The following PRKN variants were observed in gnomAD, a reference collection of about 807,000 sequenced individuals.
The protein encoded by PRKN is parkin RBR E3 ubiquitin protein ligase, also known as E3 ubiquitin-protein ligase parkin.
In PRKN, 56 loss-of-function variants were observed where a neutral mutation model predicts 59.5. The observed-to-expected ratio is 0.94, with a 90% CI of 0.76 to 1.18. The LOEUF (loss-of-function observed/expected upper bound fraction) is 1.18. PRKN is among the 50% of genes most tolerant of loss of function. PRKN has a pLI of 0.00. For missense variants in PRKN, 657 were observed against 596.4 expected, an observed-to-expected ratio of 1.10 and a Z score of -1.06; for synonymous variants, 250 against 222.1, an observed-to-expected ratio of 1.13 and a Z score of -1.12.
At chr6:162,108,017 T>C (rs570858740) in intron 4 of PRKN, among the ~76,000 whole-genome samples, 38 of 152,332 alleles carry the variant, frequency 2.5e-4, no homozygotes, top group African/African-American at 8.7e-4. Flanking sequence ...CTTTAATATA[T>C]TACTTATTAC....
chr6:162,251,067 T>TCTCC (rs1779414107), intron 3 of PRKN, among the ~76,000 whole-genome samples: 1 of 152,156 alleles, frequency 6.6e-6, no homozygotes, highest in Non-Finnish European at 1.5e-5. Flanking sequence ...AGCTTTCAAA[T>TCTCC]AAGATAGCCA....
chr6:162,281,122 A>G (rs1318564786), intron 2 of PRKN, among the ~76,000 whole-genome samples: 1 of 152,150 alleles, frequency 6.6e-6, no homozygotes, highest in Non-Finnish European at 1.5e-5. Context: ...TTGCAGGGAC[A>G]TGGATGCAGC....
At chr6:162,008,198 G>A (rs1782335584) in intron 5 of PRKN, among the ~76,000 whole-genome samples, 1 of 152,156 alleles carries the variant, frequency 6.6e-6, no homozygotes, top group Non-Finnish European at 1.5e-5. Flanking sequence ...AGAAATTAGA[G>A]AAAGATGCAC....
At chr6:161,740,142 AC>A (rs1380235276) in intron 7 of PRKN, among the ~76,000 whole-genome samples, 1 of 152,228 alleles carries the variant, frequency 6.6e-6, no homozygotes, top group Non-Finnish European at 1.5e-5. Context: ...GCCCAAAGCG[AC>A]TTGACATTTC....
intron 1 of PRKN, among the ~76,000 whole-genome samples, chr6:162,537,618 T>C (rs1221589123): frequency 6.6e-6 from 1 of 152,206 alleles, no homozygotes; most frequent in Non-Finnish European, 1.5e-5. Context: ...TCTGTCTCCA[T>C]GTTCCCCTTT....
At chr6:161,927,148 A>G (rs954637425) in intron 6 of PRKN, among the ~76,000 whole-genome samples, 2 of 152,188 alleles carry the variant, frequency 1.3e-5, no homozygotes, top group Admixed American at 6.5e-5. Flanking sequence ...TTTGCCAATG[A>G]TAGTTTGTTA....
intron 1 of PRKN, among the ~76,000 whole-genome samples, chr6:162,446,050 C>G (rs1191612795): frequency 6.6e-6 from 1 of 152,192 alleles, no homozygotes; most frequent in African/African-American, 2.4e-5. Context: ...ATACTAATTA[C>G]GGAGGAAAAG....
intron 1 of PRKN, among the ~76,000 whole-genome samples, chr6:162,703,478 C>T (rs1778230095): frequency 6.6e-6 from 1 of 152,110 alleles, no homozygotes; most frequent in South Asian, 2.1e-4. Flanking sequence ...GAAAACTGAA[C>T]ACGGTCTCAG....
intron 6 of PRKN, among the ~76,000 whole-genome samples, chr6:161,946,905 A>G (rs1026342022): frequency 3.3e-5 from 5 of 152,220 alleles, no homozygotes; most frequent in South Asian, 2.1e-4. Context: ...AAGGCTGTCC[A>G]TGATGTTTTA....
intron 2 of PRKN, among the ~76,000 whole-genome samples, chr6:162,271,703 A>G (rs2128103393): frequency 6.6e-6 from 1 of 152,284 alleles, no homozygotes; most frequent in South Asian, 2.1e-4. Context: ...GTTCCCAGTG[A>G]TATTTTTTCA....
At chr6:162,205,574 C>T (rs2128332391) in intron 3 of PRKN, among the ~76,000 whole-genome samples, 1 of 152,116 alleles carries the variant, frequency 6.6e-6, no homozygotes, top group African/African-American at 2.4e-5. Context: ...AAATACTGTT[C>T]AGTATCAACA....
intron 2 of PRKN, among the ~76,000 whole-genome samples, chr6:162,339,320 G>A (rs1483291350): frequency 2.8e-5 from 4 of 140,870 alleles, no homozygotes; most frequent in Middle Eastern, 4.1e-3. Flanking sequence ...CCGGCCAGCC[G>A]CGCCGTCTGG....
chr6:162,270,990 C>T (rs988481013), intron 2 of PRKN, among the ~76,000 whole-genome samples: 18 of 151,012 alleles, frequency 1.2e-4, no homozygotes, highest in East Asian at 3.9e-4. Flanking sequence ...TACAGGCACA[C>T]GCCACTACAC....
Position 161,400,935 on chromosome 6 carries a change from G to T in PRKN, c.1084-14058C>A, listed in dbSNP as rs1387997928. On this transcript the variant is annotated intron_variant, in intron 9 of 11. Coordinates refer to ENST00000366898, the MANE Select transcript of PRKN (RefSeq NM_004562.3). This position sits in a 1 kb window ranked among gnomAD's most constrained non-coding sequence, Gnocchi z 4.2. ...TGTTTGCACACTTTGTCAAATCTTG[G>T]ACCAGGGACAGATAGCGTCCAGGCC... 6.6e-6 allele frequency among the ~76,000 whole-genome samples: 1 copy of T among 152,132 alleles called. No individual in the cohort carries two copies. Among genetic ancestry groups the T allele is most frequent in the Admixed American group, 6.5e-5 (1 of 15,278 alleles).
At chr6:162,325,527 A>G (rs1357165203) in intron 2 of PRKN, among the ~76,000 whole-genome samples, 1 of 152,108 alleles carries the variant, frequency 6.6e-6, no homozygotes, top group Non-Finnish European at 1.5e-5. Context: ...AGGCTCTACC[A>G]CAACAAGATG....
intron 7 of PRKN, among the ~76,000 whole-genome samples, chr6:161,663,607 C>A (rs928510329): frequency 5.3e-5 from 8 of 152,168 alleles, no homozygotes; most frequent in African/African-American, 1.7e-4. Flanking sequence ...GAGTGCATGT[C>A]AGGCAAGTTT....
chr6:161,708,179 T>C (rs1786587979), intron 7 of PRKN, among the ~76,000 whole-genome samples: 1 of 152,138 alleles, frequency 6.6e-6, no homozygotes, highest in Admixed American at 6.6e-5. Flanking sequence ...GACCAGAATA[T>C]GAAATTGTGC....
chr6:161,724,030 G>A (rs1787338989), intron 7 of PRKN, among the ~76,000 whole-genome samples: 1 of 152,194 alleles, frequency 6.6e-6, no homozygotes, highest in South Asian at 2.1e-4. Flanking sequence ...GAAAATGTGG[G>A]AAGGTAGATG....
At chr6:162,198,426 C>G (rs867771609) in intron 4 of PRKN, among the ~76,000 whole-genome samples, 1 of 149,564 alleles carries the variant, frequency 6.7e-6, no homozygotes, top group Admixed American at 6.8e-5. Flanking sequence ...AATCAGTTAG[C>G]CAAAGCCTAG....
Sources: allele counts gnomAD v4.1 joint callset (sites outside exome capture counted in the v4.1 genomes callset), GRCh38; gene constraint gnomAD v4.1.1; non-coding constraint Gnocchi (gnomAD v3.1); transcripts MANE v1.5; gene names NCBI Gene and HGNC (gene_info 2026-07-23, HGNC 2026-07-21).